NDFIP1: variants seen among roughly 807,000 people sequenced by gnomAD.
The protein encoded by NDFIP1 is NEDD4 family-interacting protein 1.
In NDFIP1, 7 loss-of-function variants were observed where a neutral mutation model predicts 28.8. That is an observed-to-expected ratio of 0.24 (90% CI 0.14 to 0.46). The LOEUF is 0.46. Ranked by LOEUF, NDFIP1 falls within the 20% of genes least tolerant of loss-of-function variation. The probability of loss-of-function intolerance (pLI) is 0.99; values close to 1 mark genes in which losing one functional copy is unlikely to be tolerated. For synonymous variants in NDFIP1, 92 were observed against 101.0 expected (o/e 0.91, Z 0.53); for missense variants, 194 against 269.1 (o/e 0.72, Z 1.95).
At position 142,137,151 on chromosome 5, in the gene NDFIP1, G is replaced by GT. The variant is rs201066702; in HGVS notation, c.371-575dup. Among the ~76,000 whole-genome samples the GT allele has an allele frequency of 9.9e-3, 1,470 of 147,776 alleles. 21 individuals are homozygous for GT. Among genetic ancestry groups the GT allele is most frequent in the African/African-American group, 0.034 (1,384 of 40,280 alleles). The stretch of plus-strand genomic sequence containing the variant: ...TAAGGTTTGCTTTTTGCTGTTTTTT[G>GT]TTTTTTTTGCTTTTTCCTTTTGAGA... On this transcript the variant is annotated intron_variant, in intron 4 of 7. Coordinates refer to ENST00000253814, the MANE Select transcript of NDFIP1 (RefSeq NM_030571.4).
chr5:142,124,396 G>A (rs1337182836), intron 1 of NDFIP1, among the ~76,000 whole-genome samples: 1 of 152,162 alleles, frequency 6.6e-6, no homozygotes, highest in Non-Finnish European at 1.5e-5. Context: ...AGGAAGATCA[G>A]AAGAAAACCA....
At chr5:142,132,487 A>G in intron 3 of NDFIP1, 145 bp downstream of exon 3, 1 of 1,028,582 alleles carries the variant, frequency 9.7e-7, no homozygotes, top group Non-Finnish European at 1.4e-6. Flanking sequence ...TGCTTTTGGG[A>G]TAATAAACTC....
intron 1 of NDFIP1, among the ~76,000 whole-genome samples, chr5:142,116,820 C>A (rs867229819): frequency 6.6e-5 from 10 of 152,012 alleles, no homozygotes; most frequent in African/African-American, 2.4e-4. Context: ...AAGAGATTCT[C>A]GTGCCTCAGC....
At chr5:142,119,051 C>T (rs1313397205) in intron 1 of NDFIP1, among the ~76,000 whole-genome samples, 1 of 152,170 alleles carries the variant, frequency 6.6e-6, no homozygotes, top group Non-Finnish European at 1.5e-5. Flanking sequence ...GCTGACAGAG[C>T]AAGGAACTAT....
chr5:142,122,360 A>G (rs1596784724), intron 1 of NDFIP1, among the ~76,000 whole-genome samples: 1 of 152,314 alleles, frequency 6.6e-6, no homozygotes, highest in African/African-American at 2.4e-5. Context: ...ATTCATGCAC[A>G]CTGCTGTCTC....
At chr5:142,123,630 CAG>C (rs1371167197) in intron 1 of NDFIP1, among the ~76,000 whole-genome samples, 11 of 152,134 alleles carry the variant, frequency 7.2e-5, no homozygotes, top group African/African-American at 2.4e-4. Context: ...GAGGTTAAAA[CAG>C]AATGTATTTA....
In NDFIP1 at chr5:142,108,808, G is replaced by A. The variant is rs1756978745; in HGVS notation, c.-167G>A. On this transcript the variant is annotated 5_prime_UTR_variant, in exon 1 of 8. Transcript: ENST00000253814. The stretch of plus-strand genomic sequence containing the variant: ...GCCGCGTCGGAGCCTCGGCGGCGGC[G>A]GCGGTGCTTACAGCCTGAGAAGAGC... The A allele has an allele frequency of 6.1e-6, 3 of 488,338 alleles. No individual in the cohort carries two copies. The highest frequency in any genetic ancestry group is 9.0e-5 in the Admixed American group (2 of 22,238). The allele number at this position is 488,338 out of a possible 1,614,324, so 30.3% of individuals were successfully genotyped here. A position where few individuals can be genotyped will look rare whatever the true frequency, so the allele number is the denominator to read the frequency against.
chr5:142,141,651 GAAT>G (rs1161417615), intron 6 of NDFIP1, among the ~76,000 whole-genome samples: 2 of 152,140 alleles, frequency 1.3e-5, no homozygotes, highest in African/African-American at 4.8e-5. Flanking sequence ...TTCTACAAAA[GAAT>G]AACAGGGCCA....
chr5:142,117,324 A>G (rs1596782374), intron 1 of NDFIP1, among the ~76,000 whole-genome samples: 1 of 151,090 alleles, frequency 6.6e-6, no homozygotes, highest in Non-Finnish European at 1.5e-5. Flanking sequence ...GCTCACTGCA[A>G]CCTCCGCCTC....
intron 1 of NDFIP1, among the ~76,000 whole-genome samples, chr5:142,114,318 G>A (rs1046975068): frequency 2.0e-5 from 3 of 151,980 alleles, no homozygotes; most frequent in Non-Finnish European, 2.9e-5. Flanking sequence ...AATAATTAGC[G>A]ATGTTGAGCA....
chr5:142,112,483 A>T (rs1251929032), intron 1 of NDFIP1, among the ~76,000 whole-genome samples: 3 of 147,644 alleles, frequency 2.0e-5, no homozygotes, highest in Non-Finnish European at 4.5e-5. Context: ...AGTTTGCAGT[A>T]GGCTGGGATC....
chr5:142,142,932 A>ATATATAT (rs1419319205), intron 6 of NDFIP1: 1 of 74,210 alleles, frequency 1.3e-5, no homozygotes, highest in African/African-American at 4.1e-5. Flanking sequence ...AAAAAAAAAA[A>ATATATAT]AAAAAAAAAT....
intron 1 of NDFIP1, among the ~76,000 whole-genome samples, chr5:142,114,616 T>C (rs1389081753): frequency 6.6e-6 from 1 of 152,226 alleles, no homozygotes; most frequent in African/African-American, 2.4e-5. Flanking sequence ...AGAAATCATA[T>C]ATTGATAAAT....
chr5:142,111,860 A>C (rs990289918), intron 1 of NDFIP1, among the ~76,000 whole-genome samples: 6 of 151,068 alleles, frequency 4.0e-5, no homozygotes, highest in African/African-American at 1.5e-4. Flanking sequence ...TGAGGTCAGG[A>C]GTTCGAGACC....
intron 6 of NDFIP1, among the ~76,000 whole-genome samples, chr5:142,141,302 A>G (rs1375292133): frequency 6.7e-6 from 1 of 148,870 alleles, no homozygotes; most frequent in African/African-American, 2.5e-5. Flanking sequence ...CAGCCTCCCG[A>G]GTAGCTGGGA....
At chr5:142,141,386 C>G (rs536366970) in intron 6 of NDFIP1, among the ~76,000 whole-genome samples, 2 of 151,800 alleles carry the variant, frequency 1.3e-5, no homozygotes, top group East Asian at 3.9e-4. Flanking sequence ...CCGTGTTGGC[C>G]AGGATGGTCT....
At chr5:142,113,941 A>G (rs1757039731) in intron 1 of NDFIP1, among the ~76,000 whole-genome samples, 1 of 152,158 alleles carries the variant, frequency 6.6e-6, no homozygotes, top group Non-Finnish European at 1.5e-5. Flanking sequence ...CATTTTGTTT[A>G]TGCATTCATT....
chr5:142,124,872 C>T (rs535755810), intron 1 of NDFIP1, among the ~76,000 whole-genome samples: 11 of 151,878 alleles, frequency 7.2e-5, no homozygotes, highest in South Asian at 2.1e-4. Context: ...GTCGCCCAGG[C>T]GGGAGTGCAG....
chr5:142,131,843 G>A lies in NDFIP1; in HGVS notation c.99G>A (p.Gln33=), dbSNP rs140246329. The change falls in exon 2 of 8, where the codon CAG becomes CAA. Residue 33 remains glutamine, a synonymous_variant. Transcript: ENST00000253814. ...AAGAAGAGTCTGGAGAACCTGAACA[G>A]GCTGCAGGTGATGCTCCTCCACCTT... ...QNEEESGEPE[Q]AAGDAPPPYS... The A allele has an allele frequency of 5.8e-4, 927 of 1,601,096 alleles. 9 individuals are homozygous for A. The African/African-American group carries it at 0.011, about 20-fold the overall frequency.
Sources: gnomAD v4.1 joint callset for allele counts (sites outside exome capture counted in the v4.1 genomes callset) on GRCh38, gnomAD v4.1.1 for gene constraint, MANE v1.5 for transcripts, NCBI Gene and HGNC (gene_info 2026-07-23, HGNC 2026-07-21) for gene names.